The following SGSM1 variants were observed in gnomAD, a reference collection of about 807,000 sequenced individuals.
SGSM1 encodes the protein RUN and TBC1 domain containing 2.
SGSM1 carries 73 observed loss-of-function variants against 133.8 expected under a neutral mutation model. That is an observed-to-expected ratio of 0.55 (90% confidence interval 0.45 to 0.66). SGSM1 has a LOEUF of 0.66. Ranked by LOEUF, SGSM1 falls within the 30% of genes least tolerant of loss-of-function variation. The pLI is 0.00. For missense variants in SGSM1, 1,213 were observed against 1,448.1 expected, an observed-to-expected ratio of 0.84 and a Z score of 2.64; for synonymous variants, 563 against 573.0, an observed-to-expected ratio of 0.98 and a Z score of 0.25.
At chr22:24,813,444 G>A (rs1343400288) in intron 2 of SGSM1, among the ~76,000 whole-genome samples, 1 of 152,128 alleles carries the variant, frequency 6.6e-6, no homozygotes, top group Non-Finnish European at 1.5e-5. Flanking sequence ...TTCTTGGGCT[G>A]GAATCACAGC....
At position 24,898,566 on chromosome 22, in the gene SGSM1, C is replaced by T; in HGVS notation, c.2610+7C>T. Reference sequence around the variant, plus strand: ...CAGCGGCGTCACCTACTCTGTAAGTCACCAGGACCCTCCGTTCCATTTCCT... The same window carrying T: ...CAGCGGCGTCACCTACTCTGTAAGTTACCAGGACCCTCCGTTCCATTTCCT... On this transcript the variant is annotated splice_region_variant and intron_variant, in intron 19 of 24. Transcript: ENST00000400358. The T allele has an allele frequency of 6.3e-7, 1 of 1,585,210 alleles. No individual in the cohort carries two copies. Among genetic ancestry groups the T allele is most frequent in the Non-Finnish European group, 8.6e-7 (1 of 1,164,710 alleles).
chr22:24,850,484 C>T (rs755850750), intron 5 of SGSM1, 52 bp downstream of exon 5: 37 of 1,590,606 alleles, frequency 2.3e-5, no homozygotes, highest in Non-Finnish European at 3.0e-5. Flanking sequence ...ACCTGCCGGC[C>T]GTTGTGGAAA....
At chr22:24,845,941 TTTTCTTTCTTTCTTTCTTTC>T (rs200470528) in intron 3 of SGSM1, among the ~76,000 whole-genome samples, 6,756 of 115,584 alleles carry the variant, frequency 0.058, 226 homozygotes, top group Non-Finnish European at 0.059. Flanking sequence ...TTTTCTTTTC[TTTTCTTTCTTTCTTTCTTTC>T]TTTCTTTCTT....
chr22:24,869,150 G>A (rs561742611), intron 12 of SGSM1, among the ~76,000 whole-genome samples: 2 of 152,272 alleles, frequency 1.3e-5, no homozygotes, highest in African/African-American at 4.8e-5. Flanking sequence ...CTGTGCCTCA[G>A]TTTCCTCATC....
intron 16 of SGSM1, among the ~76,000 whole-genome samples, chr22:24,892,133 G>A (rs1601962302): frequency 6.6e-6 from 1 of 152,138 alleles, no homozygotes; most frequent in Non-Finnish European, 1.5e-5. Context: ...GGTGAAAGTG[G>A]TGTAACCCTG....
At chr22:24,869,045 C>T (rs890442010) in intron 12 of SGSM1, among the ~76,000 whole-genome samples, 190 bp downstream of exon 12, 5 of 152,150 alleles carry the variant, frequency 3.3e-5, no homozygotes, top group African/African-American at 1.2e-4. Flanking sequence ...CTCTACTTGT[C>T]TAATAAAGTT....
At chr22:24,807,234 G>A (rs1276218572) in intron 2 of SGSM1, among the ~76,000 whole-genome samples, 1 of 152,178 alleles carries the variant, frequency 6.6e-6, no homozygotes, top group African/African-American at 2.4e-5. Context: ...CCTTGGGGTA[G>A]CATCTCGATG....
intron 2 of SGSM1, among the ~76,000 whole-genome samples, chr22:24,838,045 TTG>T (rs2147821434): frequency 6.6e-6 from 1 of 152,372 alleles, no homozygotes; most frequent in African/African-American, 2.4e-5. Flanking sequence ...CTCCGTTTTC[TTG>T]TATGATTTTT....
intron 2 of SGSM1, among the ~76,000 whole-genome samples, chr22:24,818,810 T>C (rs1928282189): frequency 6.6e-6 from 1 of 152,140 alleles, no homozygotes; most frequent in Non-Finnish European, 1.5e-5. Context: ...TGGTACCTCT[T>C]AGTTTCTAAA....
intron 16 of SGSM1, among the ~76,000 whole-genome samples, chr22:24,888,135 G>A (rs950775133): frequency 2.6e-5 from 4 of 152,004 alleles, no homozygotes; most frequent in Admixed American, 6.6e-5. Context: ...TATTTCCTCC[G>A]AGTCTGTAAC....
At chr22:24,876,879 A>C (rs976232579) in intron 13 of SGSM1, among the ~76,000 whole-genome samples, 164 bp downstream of exon 13, 8 of 152,232 alleles carry the variant, frequency 5.3e-5, no homozygotes, top group Non-Finnish European at 7.3e-5. Flanking sequence ...TAGAGGTTAC[A>C]TGTAATAGTC....
At chr22:24,917,075 T>C (rs910380759) in intron 22 of SGSM1, among the ~76,000 whole-genome samples, 1 of 121,576 alleles carries the variant, frequency 8.2e-6, no homozygotes, top group Non-Finnish European at 1.7e-5. Flanking sequence ...TTTTTTTTTT[T>C]AGAGACAGGG....
chr22:24,851,213 G>C (rs1039827523), intron 5 of SGSM1, among the ~76,000 whole-genome samples: 5 of 152,068 alleles, frequency 3.3e-5, no homozygotes, highest in Non-Finnish European at 7.4e-5. Context: ...AGCCCTCTTG[G>C]GTAACCATTC....
At position 24,879,442 on chromosome 22, in the gene SGSM1, C is replaced by G. The variant is rs1369147200; in HGVS notation, c.1431-20C>G. 1 of 1,612,750 alleles carries G rather than the reference C, an allele frequency of 6.2e-7. No individual in the cohort carries two copies. Among genetic ancestry groups the G allele is most frequent in the Non-Finnish European group, 8.5e-7 (1 of 1,179,422 alleles). On this transcript the variant is annotated intron_variant, in intron 13 of 24. Coordinates refer to ENST00000400358, the MANE Select transcript of SGSM1 (RefSeq NM_001098497.3). Reference sequence around the variant, plus strand: ...GTGTTTGGATCTATTCTAAGCATCTCCCTCTTTCTCCACCTGCAGGGCTCC... The same window carrying G: ...GTGTTTGGATCTATTCTAAGCATCTGCCTCTTTCTCCACCTGCAGGGCTCC...
intron 2 of SGSM1, among the ~76,000 whole-genome samples, chr22:24,817,133 G>A (rs1210954610): frequency 1.3e-5 from 2 of 152,150 alleles, no homozygotes; most frequent in Non-Finnish European, 2.9e-5. Flanking sequence ...CACATCAAAG[G>A]GCTGAGGGCG....
At position 24,898,421 on chromosome 22, in the gene SGSM1, A is replaced by G. The variant is rs1269748701; in HGVS notation, c.2472A>G (p.Lys824=). Residue 824 remains lysine, a synonymous_variant, in exon 19 of 25, where the codon AAA becomes AAG. Transcript: ENST00000400358. The part of the protein sequence containing the change: ...MEGWRSSETE[K]HGQADSEDNL... ...GCTGGAGGAGCAGCGAGACAGAGAA[A>G]CATGGCCAGGCGGACAGTGAGGACA... is the stretch of plus-strand genomic sequence containing the variant. The G allele has an allele frequency of 6.2e-7, 1 of 1,613,798 alleles. No individual in the cohort carries two copies. The highest frequency in any genetic ancestry group is 1.7e-5 in the Admixed American group (1 of 60,002).
At chr22:24,917,602 C>T (rs1336472609) in intron 22 of SGSM1, 56 bp from the exon 23 acceptor site, 43 of 1,320,514 alleles carry the variant, frequency 3.3e-5, no homozygotes, top group Non-Finnish European at 4.4e-5. Context: ...ATTCAGCTGT[C>T]TCCTCTGCTC....
rs564678873 is a variant in SGSM1, at chr22:24,807,309, G to C, written c.63+825G>C. On this transcript the variant is annotated intron_variant, in intron 2 of 24. Transcript: ENST00000400358. ...AGGACCTGTGGCTGTGAGTGTGTGC[G>C]TATGAGAATGTCTGTGCATCTGTCT... 6.0e-5 allele frequency among the ~76,000 whole-genome samples: 9 copies of C among 149,512 alleles called. No homozygotes were observed. In the East Asian group the frequency reaches 1.8e-3, roughly 29 times the overall value.
chr22:24,879,642 C>T (rs1021880130), intron 14 of SGSM1, 116 bp downstream of exon 14: 1 of 943,676 alleles, frequency 1.1e-6, no homozygotes, highest in African/African-American at 1.7e-5. Context: ...CTCCTCTATT[C>T]CCTAGATGTC....
Sources: gnomAD v4.1 joint callset for allele counts (sites outside exome capture counted in the v4.1 genomes callset) on GRCh38, gnomAD v4.1.1 for gene constraint, MANE v1.5 for transcripts, NCBI Gene and HGNC (gene_info 2026-07-23, HGNC 2026-07-21) for gene names.